Variants in ZNF880 observed in about 807,000 individuals in gnomAD.
ZNF880 encodes zinc finger protein 880, also known as zinc finger protein LOC400713.
Under a neutral mutation model 11.8 loss-of-function variants are expected in ZNF880, and 12 were observed. That is an observed-to-expected ratio of 1.02 (90% confidence interval 0.65 to 1.65). The LOEUF (loss-of-function observed/expected upper bound fraction) is 1.65. Among genes scored for constraint, ZNF880 ranks in the 40% most tolerant of loss-of-function variants. The pLI is 0.00. For synonymous variants in ZNF880, 210 were observed against 232.4 expected (o/e 0.90, Z 0.88); for missense variants, 601 against 673.9 (o/e 0.89, Z 1.20).
chr19:52,396,291 C>G, the ZNF880 span: 1 of 152,188 alleles, frequency 6.6e-6, no homozygotes, highest in African/African-American at 2.4e-5. Flanking sequence ...TTTAATAAAG[C>G]TAGTCCATTT....
At chr19:52,381,649 T>TA (rs1986709265) in intron 3 of ZNF880, among the ~76,000 whole-genome samples, 1 of 11,628 alleles carries the variant, frequency 8.6e-5, no homozygotes, top group Admixed American at 6.1e-4. Flanking sequence ...ATCTTGTAGA[T>TA]TTTTTTCCCC....
At chr19:52,367,911 T>G (rs943711833), upstream of ZNF880, 2 of 152,104 alleles carry the variant, frequency 1.3e-5, no homozygotes, top group East Asian at 1.9e-4. Context: ...GCAAAAATAC[T>G]GTAACATGGC....
chr19:52,383,714 G>A, intron 3 of ZNF880, 135 bp from the exon 4 acceptor site: 1 of 976,932 alleles, frequency 1.0e-6, no homozygotes. Context: ...TTTCTGCACT[G>A]CCAGCATGAT....
intron 2 of ZNF880, 24 bp downstream of exon 2, chr19:52,373,261 G>C (rs569276332): frequency 1.2e-6 from 2 of 1,601,716 alleles, no homozygotes; most frequent in Non-Finnish European, 1.7e-6. Flanking sequence ...CCCTTCAGAA[G>C]TCAAGATCTG....
At chr19:52,379,163 T>G (rs1351899694) in intron 3 of ZNF880, among the ~76,000 whole-genome samples, 1 of 152,140 alleles carries the variant, frequency 6.6e-6, no homozygotes, top group Non-Finnish European at 1.5e-5. Flanking sequence ...CTTCTTTGTT[T>G]TATATGTGTG....
chr19:52,371,855 TACA>T (rs1986382779), intron 1 of ZNF880, among the ~76,000 whole-genome samples: 1 of 152,228 alleles, frequency 6.6e-6, no homozygotes, highest in South Asian at 2.1e-4. Context: ...TTAGTACATG[TACA>T]ACATTTAGAA....
downstream of ZNF880, among the ~76,000 whole-genome samples, chr19:52,386,355 G>A (rs1986888331): frequency 2.8e-5 from 4 of 142,818 alleles, 1 homozygote; most frequent in Admixed American, 2.8e-4. Flanking sequence ...TCATCATACT[G>A]TTGCTGAGCA....
chr19:52,382,061 G>T (rs1378161545), intron 3 of ZNF880, among the ~76,000 whole-genome samples: 3 of 152,054 alleles, frequency 2.0e-5, no homozygotes, highest in Non-Finnish European at 2.9e-5. Context: ...ATCACCTGAG[G>T]TCAGGAGTTT....
chr19:52,390,735 G>A (rs1489116069), downstream of ZNF880: 1 of 152,662 alleles, frequency 6.6e-6, no homozygotes, highest in Non-Finnish European at 1.5e-5. Context: ...GGAGTTTTGA[G>A]ACCAGCCTGA....
Position 52,383,940 on chromosome 19 carries a change from G to A in ZNF880, c.360G>A (p.Gln120=). ...LTFQLHLSEL[Q]LFQAERNISG... ...TTCAGTTACATCTGAGTGAACTGCAGCTATTTCAAGCTGAAAGGAATATTT... is the reference window on the plus strand; with the variant it reads ...TTCAGTTACATCTGAGTGAACTGCAACTATTTCAAGCTGAAAGGAATATTT... The change falls in exon 4 of 4, where the codon CAG becomes CAA. Residue 120 remains glutamine (Q), a synonymous_variant. Transcript: ENST00000422689. 2 of 1,557,484 alleles carry A rather than the reference G, an allele frequency of 1.3e-6. No homozygotes were observed. Among genetic ancestry groups the A allele is most frequent in the African/African-American group, 1.4e-5 (1 of 73,348 alleles).
At chr19:52,368,318 CAGAA>C (rs753559189), upstream of ZNF880, among the ~76,000 whole-genome samples, 49 of 152,040 alleles carry the variant, frequency 3.2e-4, no homozygotes, top group Admixed American at 2.4e-3. Context: ...AAGTCACACA[CAGAA>C]AGGGAATTTT....
chr19:52,369,835 G>A (rs571691797), upstream of ZNF880: 8 of 1,213,882 alleles, frequency 6.6e-6, no homozygotes, highest in Admixed American at 1.2e-4. Context: ...TCCAAAACGA[G>A]ACGAGCTGGG....
chr19:52,395,937 C>T, the ZNF880 span, among the ~76,000 whole-genome samples: 4 of 152,128 alleles, frequency 2.6e-5, no homozygotes, highest in Middle Eastern at 3.2e-3. Context: ...GCAGTCTCTC[C>T]GCCAATCCAG....
rs1226866522 is a variant in ZNF880 at position 52,384,604 on chromosome 19, C to T, written c.1024C>T (p.His342Tyr). 1 of 1,612,730 alleles carries T rather than the reference C, an allele frequency of 6.2e-7. No homozygotes were observed. The highest frequency in any genetic ancestry group is 8.5e-7 in the Non-Finnish European group (1 of 1,179,338). The change falls in exon 4 of 4, where the codon CAT becomes TAT. Residue 342 changes from histidine (H) to tyrosine (Y), a missense_variant. By Grantham distance (83) the His-to-Tyr change is moderately conservative. This residue lies in a region of ZNF880 where 420 missense variants were observed against 442.6 expected (regional missense o/e 0.95). Coordinates refer to ENST00000422689, the MANE Select transcript of ZNF880 (RefSeq NM_001145434.2). ...TTCAGGGGGTTCAGGCCTTACTGCT[C>T]ATCTTGTAATTCACACTGGAGAGAA... The part of the protein sequence containing the change: ...AFSGGSGLTA[H>Y]LVIHTGEKLY...
chr19:52,384,315 T>C lies in ZNF880; in HGVS notation c.735T>C (p.Cys245=), dbSNP rs563266746. The change falls in exon 4 of 4, where the codon TGT becomes TGC. Residue 245 remains cysteine (C), a synonymous_variant. Coordinates refer to ENST00000422689, the MANE Select transcript of ZNF880 (RefSeq NM_001145434.2). ...AGAAGCCTTACAAGTGTCATGAATG[T>C]GGCAAGCTCTTCAATCGAATTTCAC... is the stretch of plus-strand genomic sequence containing the variant. ...TGEKPYKCHE[C]GKLFNRISLL... is the part of the protein sequence containing the mutation. 1 of 1,613,664 alleles carries C rather than the reference T, an allele frequency of 6.2e-7. No homozygotes were observed. Among genetic ancestry groups the C allele is most frequent in the Admixed American group, 1.7e-5 (1 of 59,946 alleles).
downstream of ZNF880, among the ~76,000 whole-genome samples, chr19:52,387,883 A>T (rs1986929156): frequency 7.9e-6 from 1 of 126,656 alleles, no homozygotes. Flanking sequence ...GAAAATATTA[A>T]TGTTCATAAA....
At chr19:52,389,121 T>C (rs962434790), downstream of ZNF880, 3 of 151,894 alleles carry the variant, frequency 2.0e-5, no homozygotes, top group Admixed American at 6.6e-5. Flanking sequence ...CAAGATGAGA[T>C]TTGGTGGGGA....
chr19:52,369,424 A>G (rs568179219), upstream of ZNF880, among the ~76,000 whole-genome samples: 51 of 150,912 alleles, frequency 3.4e-4, no homozygotes, highest in South Asian at 4.2e-3. Context: ...TTTGCATTTC[A>G]TATTTTAATT....
At position 52,381,225 on chromosome 19, in the gene ZNF880, C is replaced by G. The variant is rs189465906; in HGVS notation, c.269-2624C>G. 7.9e-5 allele frequency among the ~76,000 whole-genome samples: 12 copies of G among 152,298 alleles called. No individual in the cohort carries two copies. The East Asian group carries it at 2.3e-3, about 29-fold the overall frequency. ...TCAGCCTCCCAAAGGGCTGTGATTA[C>G]AGGCATGAGCCACTGCATCCAGCCT... On this transcript the variant is annotated intron_variant, in intron 3 of 3. Transcript: ENST00000422689.
Sources: allele counts gnomAD v4.1 joint callset (sites outside exome capture counted in the v4.1 genomes callset), GRCh38; gene constraint gnomAD v4.1.1; regional missense constraint gnomAD v4.1.1; transcripts MANE v1.5; gene names NCBI Gene and HGNC (gene_info 2026-07-23, HGNC 2026-07-21).